Variants in ZNF90 observed in about 807,000 individuals in gnomAD.
ZNF90 encodes zinc finger protein HTF9.
In ZNF90, 11 loss-of-function variants were observed where a neutral mutation model predicts 12.0. The ratio of observed to expected loss-of-function variants is 0.92; its 90% CI spans 0.58 to 1.52. The LOEUF is 1.52. Ranked by LOEUF, ZNF90 falls within the 40% of genes most tolerant of loss-of-function variation. The pLI is 0.00. For missense variants in ZNF90, 765 were observed against 711.5 expected (o/e 1.08, Z -0.86); for synonymous variants, 232 against 240.1 (o/e 0.97, Z 0.31).
intron 1 of ZNF90, among the ~76,000 whole-genome samples, chr19:20,103,272 G>A (rs188657413): frequency 4.5e-4 from 68 of 152,314 alleles, no homozygotes; most frequent in African/African-American, 1.6e-3. Context: ...GCATTTATAA[G>A]GAACCTGTTC....
intron 1 of ZNF90, among the ~76,000 whole-genome samples, chr19:20,101,698 T>C (rs1031938960): frequency 1.3e-5 from 2 of 152,144 alleles, no homozygotes; most frequent in African/African-American, 4.8e-5. Context: ...AGGCATATTC[T>C]CCAGATGCAG....
intron 1 of ZNF90, among the ~76,000 whole-genome samples, chr19:20,101,528 TA>T (rs1555703899): frequency 6.6e-6 from 1 of 152,238 alleles, no homozygotes; most frequent in Non-Finnish European, 1.5e-5. Context: ...GAGAAACTTT[TA>T]TTTTTATCTT....
chr19:20,118,046 G>C lies in ZNF90; in HGVS notation c.492G>C (p.Lys164Asn). 6.2e-7 allele frequency: 1 copy of C among 1,611,854 alleles called. No homozygotes were observed. Among genetic ancestry groups the C allele is most frequent in the Non-Finnish European group, 8.5e-7 (1 of 1,178,936 alleles). The change falls in exon 4 of 4, where the codon AAG (lysine) becomes AAC (asparagine). Residue 164 changes from lysine to asparagine, a missense_variant. Transcript: ENST00000418063. ...TATTTTCAAATTCAAACAGACATAA[G>C]ATAAGAGATACTGGAAAAAAACCTT... is the stretch of plus-strand genomic sequence containing the variant. ...SHIFSNSNRH[K>N]IRDTGKKPFK...
intron 3 of ZNF90, among the ~76,000 whole-genome samples, chr19:20,116,773 T>G (rs1555705693): frequency 6.6e-6 from 1 of 152,118 alleles, no homozygotes; most frequent in Non-Finnish European, 1.5e-5. Flanking sequence ...TAATAATCAG[T>G]AATCACTTGC....
In ZNF90 at chr19:20,118,478, T is replaced by C. The variant is rs781921371; in HGVS notation, c.924T>C (p.Thr308=). The change falls in exon 4 of 4, where the codon ACT becomes ACC. Residue 308 remains threonine, a synonymous_variant. Transcript: ENST00000418063. ...SILYVHKISH[T]EEKPYKCEEC... is the part of the protein sequence containing the mutation. ...TTTATGTACATAAGATAAGTCATAC[T>C]GAAGAGAAACCCTACAAATGTGAAG... 5.6e-6 allele frequency: 9 copies of C among 1,613,610 alleles called. No individual in the cohort carries two copies. Among genetic ancestry groups the C allele is most frequent in the Non-Finnish European group, 6.8e-6 (8 of 1,179,886 alleles).
chr19:20,083,654 T>A (rs1453715988), intron 1 of ZNF90, among the ~76,000 whole-genome samples: 7 of 152,076 alleles, frequency 4.6e-5, no homozygotes, highest in African/African-American at 1.7e-4. Flanking sequence ...AGAATAATGA[T>A]CTCCAGCATC....
chr19:20,107,571 A>G (rs1450760685), intron 3 of ZNF90, among the ~76,000 whole-genome samples: 8 of 152,168 alleles, frequency 5.3e-5, no homozygotes, highest in African/African-American at 1.7e-4. Flanking sequence ...TTAATGTTCC[A>G]TGTAGCTGTC....
chr19:20,106,540 G>A (rs1183073395), intron 3 of ZNF90, among the ~76,000 whole-genome samples: 2 of 152,106 alleles, frequency 1.3e-5, no homozygotes, highest in Non-Finnish European at 2.9e-5. Context: ...TGCAAGCTCC[G>A]CCTCCCAGGT....
At chr19:20,098,603 T>G (rs1568286395) in intron 1 of ZNF90, among the ~76,000 whole-genome samples, 1 of 152,226 alleles carries the variant, frequency 6.6e-6, no homozygotes, top group Non-Finnish European at 1.5e-5. Flanking sequence ...GAGATCCAGG[T>G]TCTGGAGCTC....
chr19:20,093,887 G>A (rs897689673), intron 1 of ZNF90, among the ~76,000 whole-genome samples: 1 of 82,468 alleles, frequency 1.2e-5, no homozygotes, highest in Non-Finnish European at 3.3e-5. Flanking sequence ...TCAATCTTCA[G>A]TTGCTAAGCC....
intron 1 of ZNF90, among the ~76,000 whole-genome samples, chr19:20,093,876 G>A (rs1303397046): frequency 7.2e-6 from 1 of 138,614 alleles, no homozygotes; most frequent in East Asian, 2.6e-4. Flanking sequence ...ATCGGGCAAT[G>A]TCAATCTTCA....
At chr19:20,084,589 T>G (rs1555701858) in intron 1 of ZNF90, among the ~76,000 whole-genome samples, 1 of 152,232 alleles carries the variant, frequency 6.6e-6, no homozygotes, top group Non-Finnish European at 1.5e-5. Flanking sequence ...GTTTTTGAAC[T>G]AATTTACACT....
rs2089177168 is a variant in ZNF90 at position 20,119,451 on chromosome 19, CCTCTA to C, written c.*96_*100del. 6 of 1,057,406 alleles carry C rather than the reference CCTCTA, an allele frequency of 5.7e-6. No homozygotes were observed. The allele number at this position is 1,057,406 out of a possible 1,614,324, so 65.5% of individuals were successfully genotyped here. On this transcript the variant is annotated 3_prime_UTR_variant, in exon 4 of 4. Transcript: ENST00000418063. ...GACTGTTGGAAAGCCTTTGACCACC[CCTCTA>C]CTCTTACTAAATATGAGAATTTATA...
At chr19:20,100,020 T>C (rs2088977231) in intron 1 of ZNF90, among the ~76,000 whole-genome samples, 1 of 152,046 alleles carries the variant, frequency 6.6e-6, no homozygotes, top group South Asian at 2.1e-4. Context: ...GCCAAGCGGA[T>C]ACTGAAGCCA....
intron 3 of ZNF90, among the ~76,000 whole-genome samples, chr19:20,112,574 G>A (rs989585944): frequency 9.3e-5 from 14 of 150,220 alleles, no homozygotes; most frequent in African/African-American, 2.4e-4. Context: ...CACCCACCTC[G>A]GCCTCCCAAA....
At chr19:20,116,594 C>T (rs2122527496) in intron 3 of ZNF90, among the ~76,000 whole-genome samples, 1 of 152,322 alleles carries the variant, frequency 6.6e-6, no homozygotes, top group Non-Finnish European at 1.5e-5. Context: ...GAGATTTGGA[C>T]ATTGACAAAA....
chr19:20,109,086 G>A (rs1157507477), intron 3 of ZNF90, among the ~76,000 whole-genome samples: 1 of 152,094 alleles, frequency 6.6e-6, no homozygotes, highest in African/African-American at 2.4e-5. Flanking sequence ...AGTAAGTAGA[G>A]AATTTGCAAT....
chr19:20,115,775 A>T (rs2089131775), intron 3 of ZNF90, among the ~76,000 whole-genome samples: 1 of 151,608 alleles, frequency 6.6e-6, no homozygotes, highest in Non-Finnish European at 1.5e-5. Flanking sequence ...CAAAATTTTT[A>T]TTTTTTGCTA....
chr19:20,093,864 C>T (rs938359166), intron 1 of ZNF90, among the ~76,000 whole-genome samples: 4 of 148,080 alleles, frequency 2.7e-5, no homozygotes, highest in African/African-American at 4.9e-5. Flanking sequence ...GCTTCCGAGG[C>T]GATCGGGCAA....
Sources: allele counts gnomAD v4.1 joint callset (sites outside exome capture counted in the v4.1 genomes callset), GRCh38; gene constraint gnomAD v4.1.1; transcripts MANE v1.5; gene names NCBI Gene and HGNC (gene_info 2026-07-23, HGNC 2026-07-21).